The following MMP16 variants were observed in gnomAD, a reference collection of about 807,000 sequenced individuals.
MMP16 encodes the protein matrix metalloproteinase-16.
A neutral mutation model predicts 67.8 loss-of-function variants in MMP16; 12 were observed. That is an observed-to-expected ratio of 0.18 (90% CI 0.11 to 0.29). MMP16 has a LOEUF of 0.29. Among genes scored for constraint, MMP16 ranks in the 10% least tolerant of loss-of-function variants. The pLI, the probability that MMP16 is intolerant of heterozygous loss-of-function variation, is 1.00. For missense variants in MMP16, 475 were observed against 765.7 expected, an observed-to-expected ratio of 0.62 and a Z score of 4.48; for synonymous variants, 249 against 255.9, an observed-to-expected ratio of 0.97 and a Z score of 0.26.
At chr8:88,102,495 A>G (rs907367098) in intron 6 of MMP16, among the ~76,000 whole-genome samples, 3 of 151,690 alleles carry the variant, frequency 2.0e-5, no homozygotes, top group Non-Finnish European at 2.9e-5. Context: ...TGCTATTTAG[A>G]AGCTCTCCAA....
intron 1 of MMP16, among the ~76,000 whole-genome samples, chr8:88,227,989 C>T (rs1465415603): frequency 6.6e-6 from 1 of 151,964 alleles, no homozygotes; most frequent in South Asian, 2.1e-4. Flanking sequence ...TGACTATGTA[C>T]AGAAAATTCC....
chr8:88,191,918 T>C (rs1809175117), intron 2 of MMP16, among the ~76,000 whole-genome samples: 1 of 152,216 alleles, frequency 6.6e-6, no homozygotes, highest in South Asian at 2.1e-4. Flanking sequence ...AGTGGCTCTG[T>C]GTAAATACAC....
At chr8:88,073,254 G>A (rs551235767) in intron 7 of MMP16, among the ~76,000 whole-genome samples, 22 of 152,260 alleles carry the variant, frequency 1.4e-4, no homozygotes, top group East Asian at 5.8e-4. Context: ...ACTGTGGTGC[G>A]GTGCACCGCC....
chr8:88,313,649 T>G (rs1220003762), intron 1 of MMP16, among the ~76,000 whole-genome samples: 1 of 152,204 alleles, frequency 6.6e-6, no homozygotes, highest in Admixed American at 6.5e-5. Context: ...TCTCCCTACT[T>G]AAGAGACTTA....
At chr8:88,060,754 C>A (rs1808388140) in intron 7 of MMP16, among the ~76,000 whole-genome samples, 1 of 152,062 alleles carries the variant, frequency 6.6e-6, no homozygotes, top group Non-Finnish European at 1.5e-5. Context: ...AGGAAAAACA[C>A]TACATCGAAC....
intron 2 of MMP16, among the ~76,000 whole-genome samples, chr8:88,188,367 T>C (rs1032842809): frequency 6.6e-6 from 1 of 152,194 alleles, no homozygotes; most frequent in African/African-American, 2.4e-5. Context: ...TACGTAATTA[T>C]GAAATCTGAA....
intron 7 of MMP16, among the ~76,000 whole-genome samples, chr8:88,056,636 C>T (rs1208779821): frequency 1.3e-5 from 2 of 152,072 alleles, no homozygotes; most frequent in Non-Finnish European, 2.9e-5. Flanking sequence ...ACGTCTTTTT[C>T]AAGGCTAAAT....
chr8:88,305,751 G>C (rs1198588492), intron 1 of MMP16, among the ~76,000 whole-genome samples: 1 of 152,046 alleles, frequency 6.6e-6, no homozygotes, highest in Non-Finnish European at 1.5e-5. Flanking sequence ...AGAACAAGGA[G>C]ACAATGTACC....
intron 4 of MMP16, among the ~76,000 whole-genome samples, chr8:88,161,701 T>G (rs1808626820): frequency 6.6e-6 from 1 of 152,166 alleles, no homozygotes; most frequent in South Asian, 2.1e-4. Flanking sequence ...TGCTATAAAT[T>G]TCCGTCTACA....
intron 1 of MMP16, among the ~76,000 whole-genome samples, chr8:88,246,240 A>T (rs1810110965): frequency 6.6e-6 from 1 of 152,208 alleles, no homozygotes; most frequent in Non-Finnish European, 1.5e-5. Flanking sequence ...GTGATTTATT[A>T]TTCATTTAGA....
At chr8:88,174,757 CTTT>C (rs61133999) in intron 3 of MMP16, among the ~76,000 whole-genome samples, 1 of 139,736 alleles carries the variant, frequency 7.2e-6, no homozygotes. Context: ...ATTTTGACTG[CTTT>C]TTTTTTTTTT....
intron 4 of MMP16, among the ~76,000 whole-genome samples, chr8:88,153,971 A>C (rs1808459187): frequency 6.6e-6 from 1 of 150,688 alleles, no homozygotes; most frequent in Non-Finnish European, 1.5e-5. Flanking sequence ...TACTCATCTG[A>C]CAAAGGGCTA....
intron 3 of MMP16, among the ~76,000 whole-genome samples, chr8:88,175,369 T>C (rs527532260): frequency 6.6e-6 from 1 of 152,310 alleles, no homozygotes; most frequent in African/African-American, 2.4e-5. Context: ...TGAGCTTAAA[T>C]GTCAGATTTT....
chr8:88,125,957 T>C (rs1334072684), intron 4 of MMP16, among the ~76,000 whole-genome samples: 1 of 151,918 alleles, frequency 6.6e-6, no homozygotes, highest in Non-Finnish European at 1.5e-5. Flanking sequence ...AGTAATCACA[T>C]AATAAATTGC....
At chr8:88,156,031 T>C (rs550194707) in intron 4 of MMP16, among the ~76,000 whole-genome samples, 1 of 152,126 alleles carries the variant, frequency 6.6e-6, no homozygotes, top group Non-Finnish European at 1.5e-5. Context: ...AATAAATGAG[T>C]TAAATACACA....
chr8:88,271,393 A>G (rs761048366), intron 1 of MMP16, among the ~76,000 whole-genome samples: 3 of 152,256 alleles, frequency 2.0e-5, no homozygotes, highest in Admixed American at 2.0e-4. Context: ...TTTGTTGCAG[A>G]GTATACAAGA....
chr8:88,303,228 G>T (rs1811132851), intron 1 of MMP16, among the ~76,000 whole-genome samples: 2 of 152,152 alleles, frequency 1.3e-5, no homozygotes, highest in South Asian at 4.1e-4. Context: ...CGTTTTAAGG[G>T]CCCCACTTCC....
chr8:88,281,564 G>A (rs531086511), intron 1 of MMP16, among the ~76,000 whole-genome samples: 41 of 152,254 alleles, frequency 2.7e-4, no homozygotes, highest in Non-Finnish European at 2.9e-4. Context: ...TGACCCTCTG[G>A]CCAGTGGTCT....
intron 6 of MMP16, among the ~76,000 whole-genome samples, chr8:88,097,413 C>A (rs1432287866): frequency 6.6e-6 from 1 of 151,400 alleles, no homozygotes; most frequent in Non-Finnish European, 1.5e-5. Context: ...ATGACTTGTG[C>A]CCAGGAGTTC....
Sources: gnomAD v4.1 joint callset for allele counts (sites outside exome capture counted in the v4.1 genomes callset) on GRCh38, gnomAD v4.1.1 for gene constraint, MANE v1.5 for transcripts, NCBI Gene and HGNC (gene_info 2026-07-23, HGNC 2026-07-21) for gene names.